REXO1: variants seen among roughly 807,000 people sequenced by gnomAD.
REXO1 encodes the protein REX1, RNA exonuclease 1 homolog.
A neutral mutation model predicts 102.6 loss-of-function variants in REXO1; 42 were observed. That is an observed-to-expected ratio of 0.41 (90% CI 0.32 to 0.53). The LOEUF is 0.53. REXO1 is among the 20% of genes least tolerant of loss of function. The pLI is 0.27. For missense variants in REXO1, 1,819 were observed against 1,732.5 expected, an observed-to-expected ratio of 1.05 and a Z score of -0.89; for synonymous variants, 908 against 779.1, an observed-to-expected ratio of 1.17 and a Z score of -2.76.
At position 1,816,278 on chromosome 19, in the gene REXO1, C is replaced by G. The variant is rs201262230; in HGVS notation, c.3524G>C (p.Arg1175Pro). The change falls in exon 15 of 16, where the codon CGG becomes CCG. Residue 1175 changes from arginine (R) to proline (P), a missense_variant. Physicochemically the swap from Arg to Pro is moderately radical, Grantham distance 103. Transcript: ENST00000170168. Reference sequence around the variant, plus strand: ...GTCGGCCATGAGGTTCCGCAGGGACCGCTTGTAGGGGAGGCCCAGGCGGTG... The same window carrying G: ...GTCGGCCATGAGGTTCCGCAGGGACGGCTTGTAGGGGAGGCCCAGGCGGTG... ...FPHRLGLPYK[R>P]SLRNLMADYL... 1 of 1,588,302 alleles carries G rather than the reference C, an allele frequency of 6.3e-7. No individual in the cohort carries two copies. Among genetic ancestry groups the G allele is most frequent in the Admixed American group, 1.8e-5 (1 of 56,118 alleles).
chr19:1,818,468 G>A lies in REXO1; in HGVS notation c.3016+14C>T, dbSNP rs369081313. The A allele has an allele frequency of 1.6e-4, 257 of 1,574,096 alleles. No individual in the cohort carries two copies. Among genetic ancestry groups the A allele is most frequent in the Middle Eastern group, 2.1e-4 (1 of 4,830 alleles). On this transcript the variant is annotated intron_variant, in intron 10 of 15. Coordinates refer to ENST00000170168, the MANE Select transcript of REXO1 (RefSeq NM_020695.4). ...CCATGGGTGGGAAGGGGAAGGACCC[G>A]GGTAAGGCCTTACCCCGGTTCCGGC...
intron 5 of REXO1, among the ~76,000 whole-genome samples, chr19:1,820,686 A>C (rs912315930): frequency 3.9e-5 from 6 of 152,222 alleles, no homozygotes; most frequent in Non-Finnish European, 8.8e-5. Context: ...AAAAACATAA[A>C]GTCTATTAAT....
At chr19:1,822,106 G>C (rs1392942452) in intron 4 of REXO1, 4 of 419,676 alleles carry the variant, frequency 9.5e-6, no homozygotes, top group African/African-American at 2.1e-5. Context: ...TCACAAACCA[G>C]AGGGAGGAGG....
At chr19:1,825,805 A>AAT in intron 3 of REXO1, 34 bp downstream of exon 3, 4 of 1,296,650 alleles carry the variant, frequency 3.1e-6, no homozygotes, top group Non-Finnish European at 4.3e-6. Flanking sequence ...AAAAAAAAAA[A>AAT]GGCTCCTGCT....
At chr19:1,844,504 G>A (rs929879643) in intron 1 of REXO1, among the ~76,000 whole-genome samples, 3 of 152,170 alleles carry the variant, frequency 2.0e-5, no homozygotes, top group Admixed American at 6.5e-5. Context: ...TTGGGTACAC[G>A]GTGGGTGGGC....
Position 1,826,566 on chromosome 19 carries a change from CCCT to C in REXO1, c.1911+309_1911+311del, listed in dbSNP as rs986636640. ...AGAAGGGTGTGCCGGAGGTGGATTC[CCCT>C]GAGGTGGGTGGGTGGGCCAATATCC... On this transcript the variant is annotated intron_variant, in intron 2 of 15. Coordinates refer to ENST00000170168, the MANE Select transcript of REXO1 (RefSeq NM_020695.4). The surrounding 1 kb of genome is among the most constrained non-coding windows in gnomAD (Gnocchi z 4.3). Among the ~76,000 whole-genome samples the C allele has an allele frequency of 7.9e-5, 12 of 151,518 alleles. No homozygotes were observed. The highest frequency in any genetic ancestry group is 1.5e-4 in the Non-Finnish European group (10 of 67,860).
intron 3 of REXO1, among the ~76,000 whole-genome samples, chr19:1,825,636 C>T (rs1200440108): frequency 6.6e-6 from 1 of 152,016 alleles, no homozygotes; most frequent in Non-Finnish European, 1.5e-5. Flanking sequence ...TCACCATGCC[C>T]AGCTAATTTT....
chr19:1,831,973 A>G (rs1026154415), intron 1 of REXO1, among the ~76,000 whole-genome samples: 3 of 151,122 alleles, frequency 2.0e-5, no homozygotes, highest in African/African-American at 7.3e-5. Context: ...TCCCCATCCT[A>G]ATCCCTGGGA....
At chr19:1,847,262 T>C (rs2011584724) in intron 1 of REXO1, among the ~76,000 whole-genome samples, 1 of 152,190 alleles carries the variant, frequency 6.6e-6, no homozygotes, top group Non-Finnish European at 1.5e-5. Flanking sequence ...AACAGGAAAA[T>C]AAACCTATTC....
At chr19:1,843,391 A>G (rs930905236) in intron 1 of REXO1, among the ~76,000 whole-genome samples, 1 of 152,152 alleles carries the variant, frequency 6.6e-6, no homozygotes, top group Admixed American at 6.5e-5. Flanking sequence ...CGAGGGCTGA[A>G]AAAGAAACGG....
At position 1,827,454 on chromosome 19, in the gene REXO1, G is replaced by C. The variant is rs138811381; in HGVS notation, c.1335C>G (p.Thr445=). 1,379 of 1,564,048 alleles carry C rather than the reference G, an allele frequency of 8.8e-4. 15 individuals are homozygous for C. In the African/African-American group the frequency reaches 0.017, roughly 19 times the overall value. The change falls in exon 2 of 16, where the codon ACC becomes ACG. Residue 445 remains threonine, a synonymous_variant. Transcript: ENST00000170168. The stretch of plus-strand genomic sequence containing the variant: ...GCCGGTCAGGCCTCCCTTTCCCTGA[G>C]GTGGCCACAGGAGTGGCCGAAGATG... The part of the protein sequence containing the change: ...KKPSSATPVA[T]SGKGRPDRPA...
rs201820970 is a variant in REXO1, at chr19:1,828,179, T to C, written c.610A>G (p.Lys204Glu). 7 of 1,608,526 alleles carry C rather than the reference T, an allele frequency of 4.4e-6. No individual in the cohort carries two copies. Among genetic ancestry groups the C allele is most frequent in the Middle Eastern group, 1.7e-4 (1 of 6,032 alleles). ...GGGGALEYVP[K>E]AVSQPRRHSR... The stretch of plus-strand genomic sequence containing the variant: ...TGCCGCCGGGGCTGGCTCACAGCCT[T>C]GGGGACGTATTCCAGGGCACCGCCA... The change falls in exon 2 of 16, where the codon AAG becomes GAG. Residue 204 changes from lysine (K) to glutamate (E), a missense_variant. By Grantham distance (56) the Lys-to-Glu change is moderately conservative. Coordinates refer to ENST00000170168, the MANE Select transcript of REXO1 (RefSeq NM_020695.4).
At position 1,815,973 on chromosome 19, in the gene REXO1, G is replaced by A. The variant is rs772142680; in HGVS notation, c.*93C>T. ...TCTGGGCTGCCTCGGCCAGGTGGAC[G>A]GGTTACCGGAGATTTATTGCACTGT... is the stretch of plus-strand genomic sequence containing the variant. On this transcript the variant is annotated 3_prime_UTR_variant, in exon 16 of 16. Coordinates refer to ENST00000170168, the MANE Select transcript of REXO1 (RefSeq NM_020695.4). This position sits in a 1 kb window ranked among gnomAD's most constrained non-coding sequence, Gnocchi z 4.0. The A allele has an allele frequency of 1.8e-5, 28 of 1,535,602 alleles. No individual in the cohort carries two copies. The highest frequency in any genetic ancestry group is 3.3e-4 in the Middle Eastern group (2 of 6,014).
At chr19:1,847,991 T>C (rs1330241346) in intron 1 of REXO1, among the ~76,000 whole-genome samples, 1 of 152,188 alleles carries the variant, frequency 6.6e-6, no homozygotes, top group African/African-American at 2.4e-5. Flanking sequence ...TAGTTGACAT[T>C]TCACACTCGT....
chr19:1,816,341 A>G lies in REXO1; in HGVS notation c.3461T>C (p.Ile1154Thr). ...LESDLLALKVIHSTVVDTSVL... is the reference protein window; with the variant it reads ...LESDLLALKVTHSTVVDTSVL... ...AGACGTGTCCACCACGGTGCTGTGG[A>G]TGACCTGTGGGCAGCGGCAGAGATC... Residue 1154 changes from isoleucine to threonine, a missense_variant, in exon 15 of 16, where the codon ATC (isoleucine) becomes ACC (threonine). Coordinates refer to ENST00000170168, the MANE Select transcript of REXO1 (RefSeq NM_020695.4). 1.3e-6 allele frequency: 2 copies of G among 1,591,284 alleles called. No individual in the cohort carries two copies. Among genetic ancestry groups the G allele is most frequent in the Non-Finnish European group, 1.7e-6 (2 of 1,168,378 alleles).
In REXO1 at chr19:1,827,106, C is replaced by G. The variant is rs563094105; in HGVS notation, c.1683G>C (p.Pro561=). Residue 561 remains proline, a synonymous_variant, in exon 2 of 16, where the codon CCG becomes CCC. Coordinates refer to ENST00000170168, the MANE Select transcript of REXO1 (RefSeq NM_020695.4). ...GCCGCTTGGGCGGCCCCTGCGCCTC[C>G]GGGAAGCCCAGGCTGGAGTCTGAGT... ...DSDSDSSLGF[P]EAQGPPKRLK... 6.5e-7 allele frequency: 1 copy of G among 1,541,168 alleles called. No individual in the cohort carries two copies.
chr19:1,831,845 C>CAAAAAAAAAAAAAAAAA (rs745676775), intron 1 of REXO1, among the ~76,000 whole-genome samples: 1 of 51,320 alleles, frequency 1.9e-5, no homozygotes, highest in Non-Finnish European at 4.1e-5. Flanking sequence ...AACTCCATCT[C>CAAAAAAAAAAAAAAAAA]AAAAAAAAAA....
In REXO1 at chr19:1,815,893, G is replaced by GT. The variant is rs1368712678; in HGVS notation, c.*172dup. The GT allele has an allele frequency of 6.5e-7, 1 of 1,528,502 alleles. No homozygotes were observed. Among genetic ancestry groups the GT allele is most frequent in the East Asian group, 2.5e-5 (1 of 40,732 alleles). 94.7% of individuals were successfully genotyped at this position (1,528,502 alleles called of 1,614,324 possible). Reference sequence around the variant, plus strand: ...GACCGGCGGAGGGGTGCGGCAGGACGTGAGCGGGGGTGGGCTGGGCTGGGC... The same window carrying GT: ...GACCGGCGGAGGGGTGCGGCAGGACGTTGAGCGGGGGTGGGCTGGGCTGGGC... On this transcript the variant is annotated 3_prime_UTR_variant, in exon 16 of 16. Coordinates refer to ENST00000170168, the MANE Select transcript of REXO1 (RefSeq NM_020695.4). This position sits in a 1 kb window ranked among gnomAD's most constrained non-coding sequence, Gnocchi z 4.0.
chr19:1,817,710 T>C lies in REXO1; in HGVS notation c.3087A>G (p.Ala1029=). Residue 1029 remains alanine, a synonymous_variant, in exon 11 of 16, where the codon GCA becomes GCG. Coordinates refer to ENST00000170168, the MANE Select transcript of REXO1 (RefSeq NM_020695.4). The part of the protein sequence containing the change: ...AAAGSVGCQV[A]KQHVQDGRKE... ...GGACTGGGACGCCAGGGCTCACCTT[T>C]GCGACTTGGCAGCCGACAGAGCCGG... 6.2e-7 allele frequency: 1 copy of C among 1,612,222 alleles called. No individual in the cohort carries two copies. Among genetic ancestry groups the C allele is most frequent in the Non-Finnish European group, 8.5e-7 (1 of 1,179,564 alleles).
Sources: gnomAD v4.1 joint callset for allele counts (sites outside exome capture counted in the v4.1 genomes callset) on GRCh38, gnomAD v4.1.1 for gene constraint, Gnocchi (gnomAD v3.1) non-coding constraint, MANE v1.5 for transcripts, NCBI Gene and HGNC (gene_info 2026-07-23, HGNC 2026-07-21) for gene names.